Variants in ANXA8 observed in about 807,000 individuals in gnomAD.
The protein encoded by ANXA8 is VAC-beta.
ANXA8 carries 9 observed loss-of-function variants against 26.8 expected under a neutral mutation model. The observed-to-expected ratio is 0.34, with a 90% CI of 0.20 to 0.59. The LOEUF (loss-of-function observed/expected upper bound fraction) is 0.59, where lower values mean the gene tolerates loss of function less well. ANXA8 is among the 20% of genes least tolerant of loss of function. The probability of loss-of-function intolerance (pLI) is 0.84; values close to 1 mark genes in which losing one functional copy is unlikely to be tolerated. For synonymous variants in ANXA8, 39 were observed against 94.8 expected (o/e 0.41, Z 3.42); for missense variants, 83 against 238.5 (o/e 0.35, Z 4.29).
the ANXA8 span, among the ~76,000 whole-genome samples, chr10:47,596,788 C>G: frequency 4.0e-5 from 6 of 148,466 alleles, no homozygotes; most frequent in Non-Finnish European, 5.9e-5. Context: ...GTAATAGAAG[C>G]CTAGGACTAG....
At chr10:47,655,336 T>C in the ANXA8 span, among the ~76,000 whole-genome samples, 2 of 149,712 alleles carry the variant, frequency 1.3e-5, no homozygotes, top group African/African-American at 4.9e-5. Flanking sequence ...TTTTCACGGC[T>C]GTGGTATATA....
At chr10:47,688,771 T>C in the ANXA8 span, among the ~76,000 whole-genome samples, 1 of 149,008 alleles carries the variant, frequency 6.7e-6, no homozygotes, top group South Asian at 2.1e-4. Context: ...CAAATGCCTC[T>C]TTTCCCATTC....
At chr10:47,515,833 C>G in the ANXA8 span, among the ~76,000 whole-genome samples, 13 of 115,790 alleles carry the variant, frequency 1.1e-4, no homozygotes, top group South Asian at 3.0e-4. Context: ...AAAAGCTAGT[C>G]AGGCTTCTAA....
the ANXA8 span, among the ~76,000 whole-genome samples, chr10:47,574,812 C>CAG: frequency 5.4e-4 from 27 of 49,762 alleles, no homozygotes; most frequent in Middle Eastern, 0.018. Context: ...CTTACTGTAG[C>CAG]CGTCAGTAGT....
At chr10:47,691,492 C>T in the ANXA8 span, among the ~76,000 whole-genome samples, 25,843 of 134,442 alleles carry the variant, frequency 0.19, 1,983 homozygotes, top group East Asian at 0.49. Context: ...TAAGCCTTCC[C>T]TAGTCAGGTG....
At chr10:47,969,752 G>C in the ANXA8 span, among the ~76,000 whole-genome samples, 1 of 150,200 alleles carries the variant, frequency 6.7e-6, no homozygotes, top group Non-Finnish European at 1.5e-5. Flanking sequence ...GTCTCGCTTT[G>C]TTGCCTAGGC....
At chr10:47,487,897 A>C (rs1435909308), upstream of ANXA8, among the ~76,000 whole-genome samples, 2 of 151,032 alleles carry the variant, frequency 1.3e-5, no homozygotes, top group African/African-American at 2.4e-5. Flanking sequence ...ATTAGGCCAA[A>C]GTCTCTGATG....
At chr10:47,577,650 G>A in the ANXA8 span, among the ~76,000 whole-genome samples, 1 of 130,272 alleles carries the variant, frequency 7.7e-6, no homozygotes, top group South Asian at 2.8e-4. Flanking sequence ...CTCCAGCCTG[G>A]TTGACAGAGC....
chr10:47,494,837 G>A, the ANXA8 span, among the ~76,000 whole-genome samples: 6 of 151,884 alleles, frequency 4.0e-5, no homozygotes, highest in African/African-American at 1.5e-4. Context: ...GCTGTTCACA[G>A]AAGTGTGGAC....
the ANXA8 span, among the ~76,000 whole-genome samples, chr10:47,743,429 A>AGAGAG: frequency 8.0e-5 from 10 of 125,142 alleles, no homozygotes; most frequent in Admixed American, 1.7e-4. Flanking sequence ...AGAGAGAGAG[A>AGAGAG]AGTTGCATGG....
the ANXA8 span, among the ~76,000 whole-genome samples, chr10:47,740,312 G>A: frequency 6.7e-6 from 1 of 148,318 alleles, no homozygotes; most frequent in African/African-American, 2.5e-5. Flanking sequence ...GCAGTAGGAT[G>A]CCTGACTCAA....
At chr10:47,692,637 C>T in the ANXA8 span, 1 of 121,950 alleles carries the variant, frequency 8.2e-6, no homozygotes, top group Non-Finnish European at 1.8e-5. Context: ...ACCTGATCGG[C>T]TACAACTCTG....
the ANXA8 span, among the ~76,000 whole-genome samples, chr10:47,679,904 C>A: frequency 2.6e-5 from 4 of 152,022 alleles, no homozygotes; most frequent in African/African-American, 9.7e-5. Flanking sequence ...GGAGACAGAG[C>A]AAGATCCTTT....
At chr10:47,529,003 T>C in the ANXA8 span, among the ~76,000 whole-genome samples, 1 of 142,342 alleles carries the variant, frequency 7.0e-6, no homozygotes, top group Non-Finnish European at 1.5e-5. Context: ...TTTTGGATAA[T>C]TCTTGTAGAC....
the ANXA8 span, among the ~76,000 whole-genome samples, chr10:47,763,944 G>A: frequency 6.6e-6 from 1 of 152,050 alleles, no homozygotes; most frequent in Non-Finnish European, 1.5e-5. Context: ...GTGTGCGTGA[G>A]GCTCCACCCT....
chr10:47,720,475 C>A, the ANXA8 span, among the ~76,000 whole-genome samples: 2 of 147,060 alleles, frequency 1.4e-5, no homozygotes, highest in African/African-American at 5.0e-5. Context: ...TGTTTTCCCA[C>A]CTTTACCTTA....
At chr10:47,572,592 C>G in the ANXA8 span, among the ~76,000 whole-genome samples, 8 of 150,650 alleles carry the variant, frequency 5.3e-5, no homozygotes, top group African/African-American at 1.7e-4. Context: ...TGGCGGGCAC[C>G]TGTAATCCCA....
chr10:47,740,340 C>T, the ANXA8 span, among the ~76,000 whole-genome samples: 2,256 of 147,642 alleles, frequency 0.015, 68 homozygotes, highest in African/African-American at 0.055. Context: ...CAATCAGATC[C>T]TTTTTCTTGG....
At chr10:47,683,474 C>T in the ANXA8 span, among the ~76,000 whole-genome samples, 1 of 151,860 alleles carries the variant, frequency 6.6e-6, no homozygotes, top group African/African-American at 2.4e-5. Flanking sequence ...GTGATCTGCC[C>T]GCCTCAGCCT....
Sources: allele counts gnomAD v4.1 joint callset (sites outside exome capture counted in the v4.1 genomes callset), GRCh38; gene constraint gnomAD v4.1.1; transcripts MANE v1.5; gene names NCBI Gene and HGNC (gene_info 2026-07-23, HGNC 2026-07-21).